The following DUSP16 variants were observed in gnomAD, a reference collection of about 807,000 sequenced individuals.
The protein encoded by DUSP16 is dual specificity protein phosphatase 16.
In DUSP16, 21 loss-of-function variants were observed where a neutral mutation model predicts 58.3. That is an observed-to-expected ratio of 0.36 (90% CI 0.26 to 0.52). The LOEUF is 0.52. DUSP16 is among the 20% of genes least tolerant of loss of function. The probability of loss-of-function intolerance (pLI) is 0.94; values close to 1 mark genes in which losing one functional copy is unlikely to be tolerated. For missense variants in DUSP16, 726 were observed against 819.0 expected (o/e 0.89, Z 1.39); for synonymous variants, 320 against 323.8 (o/e 0.99, Z 0.12).
chr12:12,546,660 G>T (rs1255051591), intron 1 of DUSP16, among the ~76,000 whole-genome samples: 2 of 152,170 alleles, frequency 1.3e-5, no homozygotes, highest in Non-Finnish European at 2.9e-5. Flanking sequence ...GTGTTCTAGT[G>T]TAAGCACTAC....
chr12:12,550,931 AAAT>A lies in DUSP16; in HGVS notation c.-366+11183_-366+11185del, dbSNP rs570521754. Among the ~76,000 whole-genome samples, 14 of 152,290 alleles carry A rather than the reference AAAT, an allele frequency of 9.2e-5. No homozygotes were observed. The East Asian group carries it at 2.5e-3, about 27-fold the overall frequency. On this transcript the variant is annotated intron_variant, in intron 1 of 6. Transcript: ENST00000298573. ...GTCTCACTTAACAACATCCTTGATAAAATAATAAAAGGTATTAATTTTTAAAAC... is the reference window on the plus strand; with the variant it reads ...GTCTCACTTAACAACATCCTTGATAAAATAAAAGGTATTAATTTTTAAAAC...
chr12:12,513,784 C>T (rs1412981682), intron 3 of DUSP16, among the ~76,000 whole-genome samples: 2 of 152,148 alleles, frequency 1.3e-5, no homozygotes, highest in Non-Finnish European at 2.9e-5. Context: ...ACTAAATTAA[C>T]CCATTTACTC....
At chr12:12,517,511 C>T (rs181242454) in intron 3 of DUSP16, among the ~76,000 whole-genome samples, 1 of 152,344 alleles carries the variant, frequency 6.6e-6, no homozygotes, top group Admixed American at 6.5e-5. Flanking sequence ...TGCAATAAAA[C>T]AGTTTCCCAA....
In DUSP16 at chr12:12,476,931, C is replaced by G. The variant is rs2136183964; in HGVS notation, c.1900G>C (p.Glu634Gln). The change falls in exon 7 of 7, where the codon GAG becomes CAG. Residue 634 changes from glutamate to glutamine, a missense_variant. Coordinates refer to ENST00000298573, the MANE Select transcript of DUSP16 (RefSeq NM_030640.3). ...GACCTGTTCTCTGACATGATGCTCT[C>G]TCCAAATTCCATTTGGCAGCTTCTG... Reference protein sequence around the residue: ...KRRSCQMEFGESIMSENRSRE... With the variant: ...KRRSCQMEFGQSIMSENRSRE... 1 of 1,614,174 alleles carries G rather than the reference C, an allele frequency of 6.2e-7. No individual in the cohort carries two copies. Among genetic ancestry groups the G allele is most frequent in the East Asian group, 2.2e-5 (1 of 44,886 alleles).
intron 1 of DUSP16, among the ~76,000 whole-genome samples, chr12:12,524,676 A>C (rs1392293568): frequency 3.3e-5 from 5 of 152,218 alleles, no homozygotes; most frequent in Admixed American, 3.3e-4. Flanking sequence ...TTTACAATGA[A>C]CCACAAAGGC....
At chr12:12,505,895 A>C (rs1357102390) in intron 3 of DUSP16, among the ~76,000 whole-genome samples, 1 of 152,246 alleles carries the variant, frequency 6.6e-6, no homozygotes, top group African/African-American at 2.4e-5. Context: ...ATATTTAAAA[A>C]TATTTAACAG....
At chr12:12,530,189 T>C (rs932101818) in intron 1 of DUSP16, among the ~76,000 whole-genome samples, 3 of 152,246 alleles carry the variant, frequency 2.0e-5, no homozygotes, top group Admixed American at 2.0e-4. Context: ...CTTCTGTCTT[T>C]TGAAAACAGC....
chr12:12,519,803 T>C (rs1944203269), intron 3 of DUSP16, 59 bp downstream of exon 3: 4 of 1,578,950 alleles, frequency 2.5e-6, no homozygotes, highest in Non-Finnish European at 3.5e-6. Context: ...CAGTGAAATA[T>C]GCTTACTCAT....
chr12:12,486,481 A>AGT (rs56941943), intron 5 of DUSP16, among the ~76,000 whole-genome samples: 14,964 of 147,256 alleles, frequency 0.1, 804 homozygotes, highest in African/African-American at 0.16. Context: ...ACCAAATGAG[A>AGT]GTGTGTGTGT....
chr12:12,545,573 C>T (rs900394401), intron 1 of DUSP16, among the ~76,000 whole-genome samples: 29 of 152,134 alleles, frequency 1.9e-4, no homozygotes, highest in Admixed American at 1.6e-3. Context: ...TGAGCCAACA[C>T]GCCTGGCCAC....
At chr12:12,537,432 A>C (rs1944483884) in intron 1 of DUSP16, among the ~76,000 whole-genome samples, 1 of 152,262 alleles carries the variant, frequency 6.6e-6, no homozygotes, top group Non-Finnish European at 1.5e-5. Flanking sequence ...AGTACCAGGC[A>C]ATGTTCCTTT....
chr12:12,543,686 GTCTA>G (rs1209593416), intron 1 of DUSP16, among the ~76,000 whole-genome samples: 7 of 152,038 alleles, frequency 4.6e-5, no homozygotes, highest in Non-Finnish European at 8.8e-5. Flanking sequence ...AAAGAAAGAT[GTCTA>G]TCTGATATAG....
intron 1 of DUSP16, among the ~76,000 whole-genome samples, chr12:12,536,025 C>T (rs181251359): frequency 5.1e-4 from 78 of 152,332 alleles, no homozygotes; most frequent in African/African-American, 1.9e-3. Context: ...AAGAACACTA[C>T]TAAGAGAATT....
intron 3 of DUSP16, among the ~76,000 whole-genome samples, chr12:12,515,127 A>G (rs1347919644): frequency 6.6e-6 from 1 of 152,094 alleles, no homozygotes; most frequent in Non-Finnish European, 1.5e-5. Context: ...TATAATTCTA[A>G]TTATTTAATA....
chr12:12,525,465 T>C (rs1332347313), intron 1 of DUSP16, among the ~76,000 whole-genome samples: 1 of 141,882 alleles, frequency 7.0e-6, no homozygotes, highest in African/African-American at 2.7e-5. Context: ...ATGGGGTTTC[T>C]CCATGTCAGG....
At chr12:12,525,821 T>C (rs1009375720) in intron 1 of DUSP16, among the ~76,000 whole-genome samples, 11 of 151,934 alleles carry the variant, frequency 7.2e-5, no homozygotes, top group African/African-American at 1.2e-4. Flanking sequence ...TAACTCATAA[T>C]AGTGTGCTCA....
chr12:12,522,936 C>G (rs1157066082), intron 1 of DUSP16, among the ~76,000 whole-genome samples: 1 of 152,138 alleles, frequency 6.6e-6, no homozygotes, highest in Non-Finnish European at 1.5e-5. Flanking sequence ...ATAACATACT[C>G]AATATATTAT....
intron 1 of DUSP16, among the ~76,000 whole-genome samples, chr12:12,543,557 G>A (rs1944596506): frequency 6.6e-6 from 1 of 152,026 alleles, no homozygotes; most frequent in South Asian, 2.1e-4. Flanking sequence ...TATATTATGT[G>A]AAATACTTTT....
chr12:12,538,581 A>G (rs1274358061), intron 1 of DUSP16, among the ~76,000 whole-genome samples: 1 of 152,236 alleles, frequency 6.6e-6, no homozygotes, highest in African/African-American at 2.4e-5. Context: ...TGAAAAACAC[A>G]GAACGCAAAA....
Sources: gnomAD v4.1 joint callset for allele counts (sites outside exome capture counted in the v4.1 genomes callset) on GRCh38, gnomAD v4.1.1 for gene constraint, MANE v1.5 for transcripts, NCBI Gene and HGNC (gene_info 2026-07-23, HGNC 2026-07-21) for gene names.